The following NEGR1 variants were observed in gnomAD, a reference collection of about 807,000 sequenced individuals.
NEGR1 encodes IgLON family member 4.
A neutral mutation model predicts 40.9 loss-of-function variants in NEGR1; 10 were observed. The observed-to-expected ratio is 0.24, with a 90% CI of 0.15 to 0.42. The LOEUF is 0.42. NEGR1 is among the 10% of genes least tolerant of loss of function. The pLI is 1.00. For synonymous variants in NEGR1, 185 were observed against 166.8 expected, an observed-to-expected ratio of 1.11 and a Z score of -0.84; for missense variants, 352 against 438.9, an observed-to-expected ratio of 0.80 and a Z score of 1.77.
intron 1 of NEGR1, among the ~76,000 whole-genome samples, chr1:72,146,272 G>T (rs1557549634): frequency 6.6e-6 from 1 of 152,092 alleles, no homozygotes; most frequent in Non-Finnish European, 1.5e-5. Flanking sequence ...CAGAAAGCCT[G>T]CCATCGTCTG....
chr1:72,105,882 T>C (rs972802300), intron 1 of NEGR1, among the ~76,000 whole-genome samples: 1 of 152,068 alleles, frequency 6.6e-6, no homozygotes, highest in African/African-American at 2.4e-5. Context: ...TAGAGGGCAG[T>C]GTTAAGTTTA....
chr1:71,810,539 T>C (rs1657963656), intron 2 of NEGR1, among the ~76,000 whole-genome samples: 1 of 152,076 alleles, frequency 6.6e-6, no homozygotes, highest in South Asian at 2.1e-4. Flanking sequence ...AAGAGCAATA[T>C]TGTTTAAGAT....
chr1:71,873,383 A>C (rs1047594240), intron 2 of NEGR1, among the ~76,000 whole-genome samples: 11 of 152,052 alleles, frequency 7.2e-5, no homozygotes, highest in African/African-American at 2.4e-4. Context: ...GAGAAATTTT[A>C]TTGTGGCATG....
At chr1:72,075,078 A>C (rs1477795777) in intron 1 of NEGR1, among the ~76,000 whole-genome samples, 1 of 152,156 alleles carries the variant, frequency 6.6e-6, no homozygotes, top group Non-Finnish European at 1.5e-5. Flanking sequence ...CCATGGAATA[A>C]AATAACTTAG....
chr1:71,832,316 A>C (rs1317769043), intron 2 of NEGR1, among the ~76,000 whole-genome samples: 1 of 151,998 alleles, frequency 6.6e-6, no homozygotes, highest in Non-Finnish European at 1.5e-5. Context: ...CTTGTGCCAT[A>C]TGTCTGAAAG....
intron 1 of NEGR1, among the ~76,000 whole-genome samples, chr1:72,126,388 G>A (rs967961391): frequency 4.8e-5 from 7 of 147,080 alleles, no homozygotes; most frequent in Admixed American, 6.6e-5. Context: ...AGATGGATAC[G>A]TATTATTTAT....
At chr1:72,063,426 T>C (rs906381708) in intron 1 of NEGR1, among the ~76,000 whole-genome samples, 1 of 152,006 alleles carries the variant, frequency 6.6e-6, no homozygotes, top group East Asian at 2.0e-4. Context: ...GAAATAAAAG[T>C]GAAGTCACAC....
intron 1 of NEGR1, among the ~76,000 whole-genome samples, chr1:72,111,533 A>T (rs61670593): frequency 0.019 from 2,852 of 151,894 alleles, 104 homozygotes; most frequent in African/African-American, 0.065. Flanking sequence ...TTTAATAAGT[A>T]TTAGGCACAG....
rs368870930 is a variant in NEGR1 at position 71,735,864 on chromosome 1, A to C, written c.536-37725T>G. On this transcript the variant is annotated intron_variant, in intron 3 of 6. Transcript: ENST00000357731. ...TCAGGTGCTTAAAGGAATTTGAAAA[A>C]AAATTAAATTGTTACATATGAATTA... 2.9e-4 allele frequency among the ~76,000 whole-genome samples: 44 copies of C among 152,254 alleles called. No individual in the cohort carries two copies. The South Asian group carries it at 9.1e-3, about 31-fold the overall frequency.
At chr1:71,723,594 C>G (rs1654579607) in intron 3 of NEGR1, among the ~76,000 whole-genome samples, 1 of 152,242 alleles carries the variant, frequency 6.6e-6, no homozygotes, top group East Asian at 1.9e-4. Flanking sequence ...CCCAGCTCCA[C>G]AGAGACGGAA....
At chr1:72,125,925 G>T (rs1649997946) in intron 1 of NEGR1, among the ~76,000 whole-genome samples, 1 of 152,100 alleles carries the variant, frequency 6.6e-6, no homozygotes, top group Non-Finnish European at 1.5e-5. Context: ...TCTCAGTCTA[G>T]AATTTTTATT....
intron 2 of NEGR1, among the ~76,000 whole-genome samples, chr1:71,880,741 C>T (rs1557686738): frequency 1.3e-5 from 2 of 151,928 alleles, no homozygotes; most frequent in Admixed American, 6.6e-5. Context: ...CCCATAAATG[C>T]CACTCCTCAA....
At chr1:71,774,043 G>A (rs1043261963) in intron 3 of NEGR1, among the ~76,000 whole-genome samples, 2 of 152,044 alleles carry the variant, frequency 1.3e-5, no homozygotes, top group Admixed American at 6.6e-5. Flanking sequence ...TTAAATTCCT[G>A]GAAAGATGAT....
At chr1:71,681,322 C>A (rs897343681) in intron 4 of NEGR1, among the ~76,000 whole-genome samples, 9 of 152,164 alleles carry the variant, frequency 5.9e-5, no homozygotes, top group African/African-American at 2.2e-4. Context: ...CATTTTGTGA[C>A]AAACTCTCAT....
intron 1 of NEGR1, among the ~76,000 whole-genome samples, chr1:72,209,439 T>C (rs1405118937): frequency 2.0e-5 from 3 of 151,820 alleles, no homozygotes; most frequent in African/African-American, 7.2e-5. Flanking sequence ...TTCCTTCCAA[T>C]ACATTTCTTG....
At chr1:72,096,250 A>C (rs1406931750) in intron 1 of NEGR1, among the ~76,000 whole-genome samples, 4 of 152,192 alleles carry the variant, frequency 2.6e-5, no homozygotes, top group Non-Finnish European at 5.9e-5. Flanking sequence ...TCATTTATTC[A>C]ATTCTTTGGT....
chr1:72,135,422 C>CAAAAAAAAAAAAAAAAA (rs71074820), intron 1 of NEGR1, among the ~76,000 whole-genome samples: 1 of 102,264 alleles, frequency 9.8e-6, no homozygotes, highest in Non-Finnish European at 1.9e-5. Context: ...AAAACAAAAC[C>CAAAAAAAAAAAAAAAAA]AAAAAAAAAA....
chr1:71,804,899 GC>G (rs1178993169), intron 2 of NEGR1, among the ~76,000 whole-genome samples: 1 of 152,206 alleles, frequency 6.6e-6, no homozygotes, highest in Non-Finnish European at 1.5e-5. Flanking sequence ...GTGGAACACA[GC>G]CATATTTCTC....
chr1:71,469,844 T>A (rs898905907), intron 6 of NEGR1, among the ~76,000 whole-genome samples: 14 of 152,142 alleles, frequency 9.2e-5, no homozygotes, highest in African/African-American at 3.1e-4. Context: ...GTAATCACTG[T>A]ATACAAAAGT....
Sources: allele counts gnomAD v4.1 joint callset (sites outside exome capture counted in the v4.1 genomes callset), GRCh38; gene constraint gnomAD v4.1.1; transcripts MANE v1.5; gene names NCBI Gene and HGNC (gene_info 2026-07-23, HGNC 2026-07-21).